Variants in MAPT observed in about 807,000 individuals in gnomAD.
The protein encoded by MAPT is microtubule associated protein tau, also known as microtubule-associated protein tau.
Under a neutral mutation model 67.9 loss-of-function variants are expected in MAPT, and 34 were observed. The ratio of observed to expected loss-of-function variants is 0.50; its 90% CI spans 0.38 to 0.67. The LOEUF (loss-of-function observed/expected upper bound fraction) is 0.67. Ranked by LOEUF, MAPT falls within the 30% of genes least tolerant of loss-of-function variation. The pLI is 0.00. For synonymous variants in MAPT, 456 were observed against 464.5 expected (o/e 0.98, Z 0.23); for missense variants, 881 against 1,115.2 (o/e 0.79, Z 2.99).
rs63750959 is a variant in MAPT, at chr17:45,962,351, G to T, written c.14G>T (p.Arg5Leu). The part of the protein sequence containing the change: MAEP[R>L]QEFEVMEDHA... ...CTTTGAACCAGGATGGCTGAGCCCC[G>T]CCAGGAGTTCGAAGTGATGGAAGAT... is the stretch of plus-strand genomic sequence containing the variant. Residue 5 changes from arginine (R) to leucine (L), a missense_variant, in exon 2 of 13, where the codon CGC (arginine) becomes CTC (leucine). By Grantham distance (102) the Arg-to-Leu change is moderately radical. This residue lies in a region of MAPT where 687 missense variants were observed against 766.1 expected (regional missense o/e 0.90). Coordinates refer to ENST00000262410, the MANE Select transcript of MAPT (RefSeq NM_001377265.1). 3.1e-6 allele frequency: 5 copies of T among 1,611,930 alleles called. No homozygotes were observed. The highest frequency in any genetic ancestry group is 1.1e-5 in the South Asian group (1 of 90,950).
intron 1 of MAPT, among the ~76,000 whole-genome samples, chr17:45,917,396 C>T (rs1477168907): frequency 6.6e-6 from 1 of 152,232 alleles, no homozygotes. Flanking sequence ...AAACAGCAAA[C>T]ATGCATCTCT....
chr17:46,001,429 C>T (rs2074989284), intron 9 of MAPT, among the ~76,000 whole-genome samples: 1 of 151,650 alleles, frequency 6.6e-6, no homozygotes, highest in Non-Finnish European at 1.5e-5. Context: ...AACCAGAAAA[C>T]ACAACCTTGC....
chr17:46,024,279 C>T lies in MAPT; in HGVS notation c.*108C>T. ...GCCCTCTGCCCCCAGCTGCTCCTCG[C>T]AGTTCGGTTAATTGGTTAATCACTT... On this transcript the variant is annotated 3_prime_UTR_variant, in exon 13 of 13. Coordinates refer to ENST00000262410, the MANE Select transcript of MAPT (RefSeq NM_001377265.1). The T allele has an allele frequency of 9.7e-7, 1 of 1,029,962 alleles. No individual in the cohort carries two copies. Among genetic ancestry groups the T allele is most frequent in the South Asian group, 1.3e-5 (1 of 75,164 alleles). 63.8% of individuals were successfully genotyped at this position (1,029,962 alleles called of 1,614,324 possible). A position where few individuals can be genotyped will look rare whatever the true frequency, so the allele number is the denominator to read the frequency against.
chr17:45,917,593 A>G (rs2065304169), intron 1 of MAPT, among the ~76,000 whole-genome samples: 1 of 152,172 alleles, frequency 6.6e-6, no homozygotes, highest in South Asian at 2.1e-4. Flanking sequence ...AGTATGCTAA[A>G]TAACAGAAGC....
chr17:46,006,576 G>A (rs1274251164), intron 9 of MAPT, among the ~76,000 whole-genome samples: 1 of 151,894 alleles, frequency 6.6e-6, no homozygotes, highest in Non-Finnish European at 1.5e-5. Flanking sequence ...AACTAAAAGA[G>A]TGTAATTGGA....
At chr17:45,914,833 A>G (rs1169985880) in intron 1 of MAPT, among the ~76,000 whole-genome samples, 2 of 150,190 alleles carry the variant, frequency 1.3e-5, no homozygotes, top group Non-Finnish European at 3.0e-5. Context: ...CAATCCTCCC[A>G]CCTCAGCCTC....
chr17:45,967,204 A>C (rs922576752), intron 2 of MAPT, among the ~76,000 whole-genome samples: 1 of 152,236 alleles, frequency 6.6e-6, no homozygotes, highest in Non-Finnish European at 1.5e-5. Context: ...AGTGCACCCT[A>C]ATGAATTAAA....
At chr17:46,020,489 G>A (rs941602323) in intron 12 of MAPT, among the ~76,000 whole-genome samples, 4 of 152,218 alleles carry the variant, frequency 2.6e-5, no homozygotes, top group African/African-American at 9.6e-5. Context: ...CAGCTGACTG[G>A]GGAGTGGTGG....
chr17:45,998,086 C>A (rs1235466280), intron 9 of MAPT, among the ~76,000 whole-genome samples: 1 of 152,166 alleles, frequency 6.6e-6, no homozygotes, highest in Non-Finnish European at 1.5e-5. Context: ...AGCTAGGGGG[C>A]TTTCTGGAAC....
At chr17:45,959,933 G>C (rs62063280) in intron 1 of MAPT, among the ~76,000 whole-genome samples, 21,799 of 152,246 alleles carry the variant, frequency 0.14, 2,128 homozygotes, top group Non-Finnish European at 0.22. Context: ...TTGGTAGTTA[G>C]TGCCCCTGAT....
At chr17:45,966,423 A>T (rs1441846083) in intron 2 of MAPT, among the ~76,000 whole-genome samples, 3 of 151,320 alleles carry the variant, frequency 2.0e-5, no homozygotes, top group South Asian at 2.1e-4. Context: ...TCCTGTCTCT[A>T]AAAAAAATCA....
chr17:45,982,237 G>A (rs200171636), intron 4 of MAPT, among the ~76,000 whole-genome samples: 2 of 149,566 alleles, frequency 1.3e-5, no homozygotes, highest in Non-Finnish European at 3.0e-5. Flanking sequence ...CAGGAGAATC[G>A]CTTGAACCAG....
At chr17:45,987,243 G>C (rs1224315207) in intron 6 of MAPT, 148 bp downstream of exon 6, 2 of 794,714 alleles carry the variant, frequency 2.5e-6, no homozygotes, top group Non-Finnish European at 4.1e-6. Context: ...TTTGGGGCAG[G>C]CTTTTAAAAA....
chr17:45,962,567 A>G lies in MAPT; in HGVS notation c.133+97A>G, dbSNP rs758391474. 8.2e-5 allele frequency: 120 copies of G among 1,455,646 alleles called. No homozygotes were observed. The Middle Eastern group carries it at 1.2e-3, about 15-fold the overall frequency. The allele number at this position is 1,455,646 out of a possible 1,614,324, so 90.2% of individuals were successfully genotyped here. ...AGAATTGCAAAGAAATTTTAAATAC[A>G]TTATTGTCTTAGACTGTCAGTAAAG... On this transcript the variant is annotated intron_variant, in intron 2 of 12. Coordinates refer to ENST00000262410, the MANE Select transcript of MAPT (RefSeq NM_001377265.1).
intron 1 of MAPT, among the ~76,000 whole-genome samples, chr17:45,931,074 T>C (rs984251982): frequency 2.0e-5 from 3 of 152,202 alleles, no homozygotes; most frequent in African/African-American, 4.8e-5. Context: ...AAACGGGCAT[T>C]GTCATTAACA....
intron 9 of MAPT, among the ~76,000 whole-genome samples, chr17:46,004,416 A>G (rs998503256): frequency 5.9e-5 from 9 of 152,318 alleles, no homozygotes; most frequent in African/African-American, 2.2e-4. Flanking sequence ...AACTCTGACC[A>G]CAGACATTTC....
intron 12 of MAPT, among the ~76,000 whole-genome samples, chr17:46,021,442 T>C (rs1042373743): frequency 6.6e-6 from 1 of 152,196 alleles, no homozygotes; most frequent in Non-Finnish European, 1.5e-5. Flanking sequence ...TTTAAAGATA[T>C]CTGGGCCTGG....
At chr17:45,903,945 A>ATATATATTATATAT (rs1221751926) in intron 1 of MAPT, among the ~76,000 whole-genome samples, 2 of 16,882 alleles carry the variant, frequency 1.2e-4, no homozygotes, top group Non-Finnish European at 2.2e-4. Flanking sequence ...TTTATATATA[A>ATATATATTATATAT]TATATATTAT....
chr17:45,979,883 T>G (rs1165177331), intron 4 of MAPT: 2 of 152,238 alleles, frequency 1.3e-5, no homozygotes, highest in Non-Finnish European at 2.9e-5. Flanking sequence ...ACTTGACTTT[T>G]GTGCTCACTG....
Sources: gnomAD v4.1 joint callset for allele counts (sites outside exome capture counted in the v4.1 genomes callset) on GRCh38, gnomAD v4.1.1 for gene constraint, gnomAD v4.1.1 regional missense constraint, MANE v1.5 for transcripts, NCBI Gene and HGNC (gene_info 2026-07-23, HGNC 2026-07-21) for gene names.